The following NUP153 variants were observed in gnomAD, a reference collection of about 807,000 sequenced individuals.
NUP153 encodes nucleoporin 153, also known as nuclear pore complex protein Nup153.
A neutral mutation model predicts 134.6 loss-of-function variants in NUP153; 27 were observed. That is an observed-to-expected ratio of 0.20 (90% confidence interval 0.15 to 0.28). The LOEUF is 0.28. Ranked by LOEUF, NUP153 falls within the 10% of genes least tolerant of loss-of-function variation. NUP153 has a pLI of 1.00. For missense variants in NUP153, 1,821 were observed against 1,731.3 expected (o/e 1.05, Z -0.92); for synonymous variants, 640 against 623.5 (o/e 1.03, Z -0.40).
chr6:17,674,300 G>A lies in NUP153; in HGVS notation c.852+605C>T, dbSNP rs560114703. On this transcript the variant is annotated intron_variant, in intron 5 of 21. Transcript: ENST00000262077. The stretch of plus-strand genomic sequence containing the variant: ...TAAAGCTCAAATACTCTAAAACAAT[G>A]AAAAATTGTAGTATGTGTAATTTAT... Among the ~76,000 whole-genome samples the A allele has an allele frequency of 3.6e-4, 55 of 152,084 alleles. 1 individual carries two copies. The South Asian group carries it at 0.01, about 28-fold the overall frequency.
At position 17,677,612 on chromosome 6, in the gene NUP153, A is replaced by C. The variant is rs557016190; in HGVS notation, c.335-1842T>G. 2.0e-5 allele frequency among the ~76,000 whole-genome samples: 3 copies of C among 152,068 alleles called. No individual in the cohort carries two copies. The South Asian group carries it at 6.2e-4, about 32-fold the overall frequency. On this transcript the variant is annotated intron_variant, in intron 2 of 21. Transcript: ENST00000262077. The stretch of plus-strand genomic sequence containing the variant: ...AAGAAGAACTGATAGCATTCCCAAC[A>C]CTGCTTTCCTACCCACCTTTCCTTT...
rs140141850 is a variant in NUP153, at chr6:17,680,140, C to A, written c.335-4370G>T. Among the ~76,000 whole-genome samples the A allele has an allele frequency of 2.0e-5, 3 of 152,142 alleles. No individual in the cohort carries two copies. The highest frequency in any genetic ancestry group is 7.2e-5 in the African/African-American group (3 of 41,430). ...AGCCTCACCTCCACTGTTTCCCTTG[C>A]GCTCAAGCACAAGCCCTGAAATAAA... On this transcript the variant is annotated intron_variant, in intron 2 of 21. Transcript: ENST00000262077. The surrounding 1 kb of genome is among the most constrained non-coding windows in gnomAD (Gnocchi z 4.5).
At chr6:17,659,431 A>T (rs1277656787) in intron 11 of NUP153, among the ~76,000 whole-genome samples, 1 of 152,080 alleles carries the variant, frequency 6.6e-6, no homozygotes, top group Non-Finnish European at 1.5e-5. Flanking sequence ...AACCTAATAA[A>T]TTCCTTATTT....
chr6:17,636,940 T>A (rs1765579677), intron 16 of NUP153, among the ~76,000 whole-genome samples: 2 of 152,178 alleles, frequency 1.3e-5, no homozygotes, highest in African/African-American at 4.8e-5. Context: ...GAGGAGGTCG[T>A]CATATATACC....
chr6:17,649,223 G>C lies in NUP153; in HGVS notation c.1473C>G (p.Ser491=), dbSNP rs761249845. 2 of 1,613,870 alleles carry C rather than the reference G, an allele frequency of 1.2e-6. No individual in the cohort carries two copies. Among genetic ancestry groups the C allele is most frequent in the East Asian group, 4.5e-5 (2 of 44,832 alleles). Reference sequence around the variant, plus strand: ...ATGGAGAGGAAGTTGTGATCTCAGGGGAACTAAAATTAAAGGTAGGCAGTG... The same window carrying C: ...ATGGAGAGGAAGTTGTGATCTCAGGCGAACTAAAATTAAAGGTAGGCAGTG... ...SSSLPTFNFS[S]PEITTSSPSP... The change falls in exon 12 of 22, where the codon TCC becomes TCG. Residue 491 remains serine (S), a synonymous_variant. Coordinates refer to ENST00000262077, the MANE Select transcript of NUP153 (RefSeq NM_005124.4).
At chr6:17,616,290 G>GGGGGGGGGGGGGGGGGCCCCCC in intron 21 of NUP153, 109 bp from the exon 22 acceptor site, 1 of 473,890 alleles carries the variant, frequency 2.1e-6, no homozygotes, top group South Asian at 2.1e-5. Context: ...GGTGGGGGGG[G>GGGGGGGGGGGGGGGGGCCCCCC]AGTAGACTCA....
chr6:17,698,933 C>A (rs943738791), intron 1 of NUP153, among the ~76,000 whole-genome samples: 4 of 151,166 alleles, frequency 2.6e-5, no homozygotes, highest in African/African-American at 9.7e-5. Flanking sequence ...AAGTTACCTA[C>A]AAGATACTAT....
At chr6:17,698,893 A>T (rs1769852839) in intron 1 of NUP153, among the ~76,000 whole-genome samples, 1 of 152,010 alleles carries the variant, frequency 6.6e-6, no homozygotes, top group Admixed American at 6.6e-5. Context: ...AGAAAACTCA[A>T]TAAAAGCTCA....
Position 17,629,178 on chromosome 6 carries a change from C to A in NUP153, c.3021G>T (p.Gln1007His). 1 of 1,613,190 alleles carries A rather than the reference C, an allele frequency of 6.2e-7. No individual in the cohort carries two copies. Among genetic ancestry groups the A allele is most frequent in the South Asian group, 1.1e-5 (1 of 90,782 alleles). ...PFQFGVSNLGQEEKKEELPKS... is the reference protein window; with the variant it reads ...PFQFGVSNLGHEEKKEELPKS... ...TGGGCAGTTCCTCTTTCTTTTCTTCCTGTCCAAGATTAGATACCCCAAATT... is the reference window on the plus strand; with the variant it reads ...TGGGCAGTTCCTCTTTCTTTTCTTCATGTCCAAGATTAGATACCCCAAATT... Residue 1007 changes from glutamine (Q) to histidine (H), a missense_variant, in exon 18 of 22, where the codon CAG (glutamine) becomes CAT (histidine). Transcript: ENST00000262077.
rs999804874 is a variant in NUP153, at chr6:17,680,141, G to A, written c.335-4371C>T. Among the ~76,000 whole-genome samples, 3 of 152,068 alleles carry A rather than the reference G, an allele frequency of 2.0e-5. No individual in the cohort carries two copies. Among genetic ancestry groups the A allele is most frequent in the African/African-American group, 7.2e-5 (3 of 41,390 alleles). On this transcript the variant is annotated intron_variant, in intron 2 of 21. Coordinates refer to ENST00000262077, the MANE Select transcript of NUP153 (RefSeq NM_005124.4). The surrounding 1 kb of genome is among the most constrained non-coding windows in gnomAD (Gnocchi z 4.5). ...GCCTCACCTCCACTGTTTCCCTTGC[G>A]CTCAAGCACAAGCCCTGAAATAAAA...
At chr6:17,691,292 C>T (rs757127534) in intron 1 of NUP153, among the ~76,000 whole-genome samples, 2 of 152,192 alleles carry the variant, frequency 1.3e-5, no homozygotes, top group Non-Finnish European at 2.9e-5. Context: ...TACTGAACAA[C>T]ACCAATTCAC....
intron 5 of NUP153, among the ~76,000 whole-genome samples, chr6:17,669,803 GA>G (rs1767784957): frequency 6.6e-6 from 1 of 151,992 alleles, no homozygotes; most frequent in Admixed American, 6.6e-5. Flanking sequence ...CCATTTTAAA[GA>G]AAGTATGGGC....
rs201792750 is a variant in NUP153 at position 17,624,703 on chromosome 6, T to C, written c.4032A>G (p.Ile1344Met). ...TGGGAAATAATGCTGTGGAAGATGA[T>C]ATAGATCCAAAGCCTGGGGGATTGG... ...SQPNPPGFGS[I>M]SSSTALFPTG... Residue 1344 changes from isoleucine to methionine, a missense_variant, in exon 20 of 22, where the codon ATA (isoleucine) becomes ATG (methionine). Transcript: ENST00000262077. 1.2e-6 allele frequency: 2 copies of C among 1,614,128 alleles called. No individual in the cohort carries two copies. Among genetic ancestry groups the C allele is most frequent in the East Asian group, 2.2e-5 (1 of 44,878 alleles).
In NUP153 at chr6:17,646,174, C is replaced by T. The variant is rs887756986; in HGVS notation, c.1633-20G>A. 2.3e-6 allele frequency: 3 copies of T among 1,316,776 alleles called. No homozygotes were observed. Among genetic ancestry groups the T allele is most frequent in the Non-Finnish European group, 3.3e-6 (3 of 916,710 alleles). The allele number at this position is 1,316,776 out of a possible 1,614,324, so 81.6% of individuals were successfully genotyped here. A position where few individuals can be genotyped will look rare whatever the true frequency, so the allele number is the denominator to read the frequency against. ...TCCAATCTGTAAAGAGAAAGAATAT[C>T]CTTATACTTCGTTTTCAATAAGTAT... On this transcript the variant is annotated intron_variant, in intron 13 of 21. Transcript: ENST00000262077.
Position 17,674,892 on chromosome 6 carries a change from T to C in NUP153, c.852+13A>G, listed in dbSNP as rs1168885222. 6.4e-7 allele frequency: 1 copy of C among 1,551,286 alleles called. No homozygotes were observed. Among genetic ancestry groups the C allele is most frequent in the Admixed American group, 2.1e-5 (1 of 48,190 alleles). Reference sequence around the variant, plus strand: ...GAAAAAAAAAGATCATCAACCCTTCTATTGGAACCTACCTGATAAGGTGTA... The same window carrying C: ...GAAAAAAAAAGATCATCAACCCTTCCATTGGAACCTACCTGATAAGGTGTA... On this transcript the variant is annotated intron_variant, in intron 5 of 21. Transcript: ENST00000262077.
intron 13 of NUP153, among the ~76,000 whole-genome samples, chr6:17,647,543 T>C (rs1267069691): frequency 1.3e-5 from 2 of 152,208 alleles, no homozygotes; most frequent in African/African-American, 4.8e-5. Flanking sequence ...TCTTTTTTCT[T>C]AAGGGACACA....
rs764741798 is a variant in NUP153, at chr6:17,706,349, G to A, written c.39C>T (p.Gly13=). 2.5e-6 allele frequency: 4 copies of A among 1,613,216 alleles called. No individual in the cohort carries two copies. Among genetic ancestry groups the A allele is most frequent in the Admixed American group, 1.7e-5 (1 of 60,012 alleles). ...GGCAACGCCGCGTCCGGATCTTGCC[G>A]CCACCGCCCCCTCCGACTCCTCCGG... ...SGAGGVGGGG[G]GKIRTRRCHQ... is the part of the protein sequence containing the mutation. Residue 13 remains glycine (G), a synonymous_variant, in exon 1 of 22, where the codon GGC becomes GGT. Coordinates refer to ENST00000262077, the MANE Select transcript of NUP153 (RefSeq NM_005124.4). This position sits in a 1 kb window ranked among gnomAD's most constrained non-coding sequence, Gnocchi z 5.9.
chr6:17,706,488 A>C lies in NUP153; in HGVS notation c.-101T>G. On this transcript the variant is annotated 5_prime_UTR_variant, in exon 1 of 22. Coordinates refer to ENST00000262077, the MANE Select transcript of NUP153 (RefSeq NM_005124.4). This position sits in a 1 kb window ranked among gnomAD's most constrained non-coding sequence, Gnocchi z 5.9. ...CTCCCCCGCCGCCCGGCCCCGGCCC[A>C]AAAGTCCGCCCGCGCTGTCCACACA... The C allele has an allele frequency of 1.2e-6, 1 of 847,646 alleles. No individual in the cohort carries two copies. Among genetic ancestry groups the C allele is most frequent in the South Asian group, 1.6e-5 (1 of 61,178 alleles). The allele number at this position is 847,646 out of a possible 1,614,324, so 52.5% of individuals were successfully genotyped here.
Position 17,620,165 on chromosome 6 carries a change from A to G in NUP153, c.4175-3470T>C, listed in dbSNP as rs1561849398. 2.0e-5 allele frequency among the ~76,000 whole-genome samples: 3 copies of G among 151,412 alleles called. No homozygotes were observed. In the South Asian group the frequency reaches 6.2e-4, roughly 31 times the overall value. On this transcript the variant is annotated intron_variant, in intron 20 of 21. Coordinates refer to ENST00000262077, the MANE Select transcript of NUP153 (RefSeq NM_005124.4). ...AATCCTAAAATTCATATGGAACCAC[A>G]GGAGTCCAAATAGCTAAAGCAATCC...
Sources: allele counts gnomAD v4.1 joint callset (sites outside exome capture counted in the v4.1 genomes callset), GRCh38; gene constraint gnomAD v4.1.1; non-coding constraint Gnocchi (gnomAD v3.1); transcripts MANE v1.5; gene names NCBI Gene and HGNC (gene_info 2026-07-23, HGNC 2026-07-21).